The following FAM13B variants were observed in gnomAD, a reference collection of about 807,000 sequenced individuals.
The protein encoded by FAM13B is family with sequence similarity 13 member B, also known as protein FAM13B.
Under a neutral mutation model 117.3 loss-of-function variants are expected in FAM13B, and 60 were observed. The observed-to-expected ratio is 0.51, with a 90% CI of 0.42 to 0.63. FAM13B has a LOEUF of 0.63. FAM13B is among the 30% of genes least tolerant of loss of function. FAM13B has a pLI of 0.00. For missense variants in FAM13B, 972 were observed against 1,091.9 expected (o/e 0.89, Z 1.55); for synonymous variants, 332 against 356.1 (o/e 0.93, Z 0.76).
chr5:137,994,025 G>C (rs1445133104), intron 7 of FAM13B, among the ~76,000 whole-genome samples: 1 of 152,158 alleles, frequency 6.6e-6, no homozygotes, highest in East Asian at 1.9e-4. Flanking sequence ...GAGACAAAAA[G>C]AGGCAAAAGT....
chr5:138,042,708 G>C (rs1217612325), intron 1 of FAM13B, among the ~76,000 whole-genome samples: 1 of 151,132 alleles, frequency 6.6e-6, no homozygotes, highest in Non-Finnish European at 1.5e-5. Flanking sequence ...TTCTGGGAAC[G>C]AGGGGCAAGA....
At chr5:138,048,672 G>C (rs1791708110) in intron 1 of FAM13B, among the ~76,000 whole-genome samples, 1 of 152,054 alleles carries the variant, frequency 6.6e-6, no homozygotes, top group Non-Finnish European at 1.5e-5. Context: ...CCGACCCCTA[G>C]GACCTTCAGA....
chr5:138,017,548 C>G (rs1026152553), intron 4 of FAM13B, among the ~76,000 whole-genome samples: 19 of 152,114 alleles, frequency 1.2e-4, no homozygotes, highest in African/African-American at 4.6e-4. Flanking sequence ...AAATATATAA[C>G]TCTATATGCC....
intron 1 of FAM13B, among the ~76,000 whole-genome samples, chr5:138,043,415 G>A (rs1457368979): frequency 2.0e-5 from 3 of 151,364 alleles, no homozygotes; most frequent in African/African-American, 7.3e-5. Context: ...TACCTTGTTC[G>A]GGCATTATTC....
intron 7 of FAM13B, among the ~76,000 whole-genome samples, chr5:138,005,168 C>T (rs1037176198): frequency 1.3e-5 from 2 of 152,088 alleles, no homozygotes; most frequent in Non-Finnish European, 1.5e-5. Context: ...ACCCGGGAGA[C>T]AGAGGTTGCA....
intron 1 of FAM13B, 116 bp from the exon 2 acceptor site, chr5:138,021,313 T>C (rs2150987749): frequency 2.4e-6 from 2 of 831,848 alleles, no homozygotes; most frequent in Non-Finnish European, 3.2e-6. Flanking sequence ...AAGGTATTCT[T>C]CTGTCTGAAA....
At chr5:137,946,361 A>G (rs963639084) in intron 18 of FAM13B, 50 bp from the exon 19 acceptor site, 25 of 1,264,250 alleles carry the variant, frequency 2.0e-5, no homozygotes, top group Non-Finnish European at 2.6e-5. Context: ...AAAAACAAAA[A>G]CAAAAAAACT....
intron 1 of FAM13B, among the ~76,000 whole-genome samples, chr5:138,024,591 A>AC (rs397784102): frequency 5.2e-4 from 78 of 150,854 alleles, no homozygotes; most frequent in African/African-American, 1.8e-3. Flanking sequence ...AAAAAAAAAA[A>AC]GAAAAAAAAG....
intron 4 of FAM13B, among the ~76,000 whole-genome samples, chr5:138,016,755 A>G (rs1317755152): frequency 6.6e-6 from 1 of 152,214 alleles, no homozygotes; most frequent in African/African-American, 2.4e-5. Context: ...TCTCACTGCA[A>G]TTATTAATTT....
intron 17 of FAM13B, among the ~76,000 whole-genome samples, chr5:137,950,289 T>C (rs1764592565): frequency 6.6e-6 from 1 of 152,232 alleles, no homozygotes; most frequent in African/African-American, 2.4e-5. Flanking sequence ...AGTATCATCC[T>C]GGTAGAATAC....
At chr5:137,954,430 A>G (rs1765862910) in intron 14 of FAM13B, 54 bp from the exon 15 acceptor site, 2 of 1,404,598 alleles carry the variant, frequency 1.4e-6, no homozygotes, top group Non-Finnish European at 2.0e-6. Flanking sequence ...CCACGTGGGA[A>G]AAAAGTCACA....
rs146590106 is a variant in FAM13B at position 138,007,360 on chromosome 5, A to G, written c.691-213T>C. On this transcript the variant is annotated intron_variant, in intron 6 of 23. Coordinates refer to ENST00000689681, the MANE Select transcript of FAM13B (RefSeq NM_001385994.1). Reference sequence around the variant, plus strand: ...AAATGTAACATTTTGAAGCAGGATTAGTGTATCACTAGTTGCAAATTAGTA... The same window carrying G: ...AAATGTAACATTTTGAAGCAGGATTGGTGTATCACTAGTTGCAAATTAGTA... 1.2e-3 allele frequency among the ~76,000 whole-genome samples: 188 copies of G among 152,334 alleles called. 4 individuals carry two copies. The highest frequency in any genetic ancestry group is 0.01 in the Middle Eastern group (3 of 294).
chr5:137,961,310 CCAAAAA>C (rs1768033612), intron 11 of FAM13B, among the ~76,000 whole-genome samples: 1 of 53,852 alleles, frequency 1.9e-5, no homozygotes, highest in Non-Finnish European at 3.6e-5. Flanking sequence ...AGAGCTTTTT[CCAAAAA>C]CAACAACAAC....
rs371468438 is a variant in FAM13B, at chr5:138,018,459, C to T, written c.213G>A (p.Glu71=). Residue 71 remains glutamate (E), a synonymous_variant, in exon 4 of 24, where the codon GAG becomes GAA. Coordinates refer to ENST00000689681, the MANE Select transcript of FAM13B (RefSeq NM_001385994.1). ...FQVNGNAETV[E]WLRQRYDSGE... is the part of the protein sequence containing the mutation. Reference sequence around the variant, plus strand: ...CGCTGTCGTATCTCTGCCGAAGCCACTCCACTGTCTCAGCATTTCCATTGA... The same window carrying T: ...CGCTGTCGTATCTCTGCCGAAGCCATTCCACTGTCTCAGCATTTCCATTGA... The T allele has an allele frequency of 1.2e-5, 19 of 1,614,180 alleles. No individual in the cohort carries two copies. The highest frequency in any genetic ancestry group is 1.6e-5 in the Non-Finnish European group (19 of 1,180,030).
upstream of FAM13B, chr5:138,036,479 C>G: frequency 2.2e-6 from 1 of 456,710 alleles, no homozygotes; most frequent in Non-Finnish European, 4.4e-6. Flanking sequence ...CACGGTGCCC[C>G]TCAGACTGCA....
At chr5:138,036,665 A>G (rs1206613628), upstream of FAM13B, 1 of 443,700 alleles carries the variant, frequency 2.3e-6, no homozygotes, top group African/African-American at 2.0e-5. Context: ...TGAGTATTTA[A>G]TCTACCTGCT....
At chr5:137,946,553 T>A (rs185688396) in intron 18 of FAM13B, among the ~76,000 whole-genome samples, 1 of 152,342 alleles carries the variant, frequency 6.6e-6, no homozygotes, top group African/African-American at 2.4e-5. Flanking sequence ...TTACATTTTA[T>A]CTGAATAGAT....
intron 13 of FAM13B, 97 bp from the exon 14 acceptor site, chr5:137,956,639 A>C: frequency 1.4e-6 from 1 of 724,288 alleles, no homozygotes; most frequent in Admixed American, 3.6e-5. Flanking sequence ...GATACCAAAA[A>C]CATTTCCCTA....
At chr5:138,044,352 G>A (rs541366985) in intron 1 of FAM13B, among the ~76,000 whole-genome samples, 10 of 152,100 alleles carry the variant, frequency 6.6e-5, no homozygotes, top group Non-Finnish European at 1.5e-4. Flanking sequence ...AGGAGTTCGA[G>A]ACCAGCCTGA....
Sources: gnomAD v4.1 joint callset for allele counts (sites outside exome capture counted in the v4.1 genomes callset) on GRCh38, gnomAD v4.1.1 for gene constraint, MANE v1.5 for transcripts, NCBI Gene and HGNC (gene_info 2026-07-23, HGNC 2026-07-21) for gene names.